Variants in PARP11 observed in about 807,000 individuals in gnomAD.
PARP11 encodes poly(ADP-ribose) polymerase family member 11.
In PARP11, 31 loss-of-function variants were observed where a neutral mutation model predicts 42.9. The ratio of observed to expected loss-of-function variants is 0.72; its 90% confidence interval spans 0.54 to 0.98. The LOEUF (loss-of-function observed/expected upper bound fraction) is 0.98, where lower values mean the gene tolerates loss of function less well. Ranked by LOEUF, PARP11 falls within the 50% of genes least tolerant of loss-of-function variation. The pLI is 0.00. For missense variants in PARP11, 365 were observed against 413.1 expected, an observed-to-expected ratio of 0.88 and a Z score of 1.01; for synonymous variants, 137 against 127.3, an observed-to-expected ratio of 1.08 and a Z score of -0.51.
intron 6 of PARP11, among the ~76,000 whole-genome samples, chr12:3,821,299 G>C (rs1351069346): frequency 6.6e-6 from 1 of 152,108 alleles, no homozygotes; most frequent in Non-Finnish European, 1.5e-5. Flanking sequence ...TGGCAGAACA[G>C]GCTAATTTGG....
At chr12:3,872,538 C>T (rs1170406287) in intron 1 of PARP11, 2 of 985,300 alleles carry the variant, frequency 2.0e-6, no homozygotes, top group African/African-American at 1.7e-5. Context: ...AGAAGGCAGA[C>T]TTGCAGTTGA....
rs1947872427 is a variant in PARP11 at position 3,840,864 on chromosome 12, A to G, written c.19-10846T>C. ...CTTCTCCTGCAGAACAAAAGCCAGC[A>G]GAACATGTGTCTTTGTCAAATCCAG... On this transcript the variant is annotated intron_variant, in intron 1 of 7. Coordinates refer to ENST00000228820, the MANE Select transcript of PARP11 (RefSeq NM_020367.6). This position sits in a 1 kb window ranked among gnomAD's most constrained non-coding sequence, Gnocchi z 4.4. The G allele has an allele frequency of 1.3e-6, 2 of 1,599,792 alleles. No individual in the cohort carries two copies. Among genetic ancestry groups the G allele is most frequent in the East Asian group, 2.2e-5 (1 of 44,848 alleles).
At chr12:3,825,609 G>T (rs761087123) in intron 4 of PARP11, among the ~76,000 whole-genome samples, 34 of 152,008 alleles carry the variant, frequency 2.2e-4, no homozygotes, top group Non-Finnish European at 2.5e-4. Context: ...CTGTTCTAAA[G>T]AATTAAAAAA....
At chr12:3,863,898 G>A (rs1230491039) in intron 1 of PARP11, 1 of 152,182 alleles carries the variant, frequency 6.6e-6, no homozygotes, top group Non-Finnish European at 1.5e-5. Context: ...TGCATTGCTA[G>A]TATAAACAAT....
chr12:3,814,944 T>C, intron 6 of PARP11: 1 of 444,984 alleles, frequency 2.2e-6, no homozygotes, highest in Non-Finnish European at 4.5e-6. Context: ...TATGTAGGTA[T>C]ACATACACAG....
intron 3 of PARP11, among the ~76,000 whole-genome samples, chr12:3,828,420 G>T (rs538905371): frequency 1.5e-4 from 23 of 151,774 alleles, no homozygotes; most frequent in Admixed American, 7.2e-4. Context: ...GTGGGGGCGG[G>T]TGCCTGTAAT....
intron 6 of PARP11, among the ~76,000 whole-genome samples, chr12:3,817,627 T>C (rs1225731834): frequency 1.3e-5 from 2 of 152,178 alleles, no homozygotes; most frequent in African/African-American, 4.8e-5. Flanking sequence ...AGATCCACAA[T>C]CATTCCCGAA....
At chr12:3,843,815 C>T (rs1947941889) in intron 1 of PARP11, among the ~76,000 whole-genome samples, 1 of 152,112 alleles carries the variant, frequency 6.6e-6, no homozygotes, top group Non-Finnish European at 1.5e-5. Context: ...TTTGTACATA[C>T]CAATGTGAAA....
At chr12:3,869,047 T>C (rs1300099550) in intron 1 of PARP11, among the ~76,000 whole-genome samples, 1 of 152,210 alleles carries the variant, frequency 6.6e-6, no homozygotes, top group Non-Finnish European at 1.5e-5. Context: ...ACCTCCTTCC[T>C]TCATCTCCAA....
intron 1 of PARP11, among the ~76,000 whole-genome samples, chr12:3,833,299 T>C (rs1048731260): frequency 2.0e-5 from 3 of 152,092 alleles, no homozygotes; most frequent in African/African-American, 4.8e-5. Flanking sequence ...CTGGCAAAAC[T>C]ACATTTTAAA....
intron 6 of PARP11, among the ~76,000 whole-genome samples, 162 bp downstream of exon 6, chr12:3,821,711 T>C (rs888875803): frequency 6.6e-6 from 1 of 152,174 alleles, no homozygotes; most frequent in African/African-American, 2.4e-5. Context: ...GAGCACCTCT[T>C]TCACTCCCTG....
At position 3,868,199 on chromosome 12, in the gene PARP11, G is replaced by A. The variant is rs143183768; in HGVS notation, c.18+5013C>T. ...TTGGGGGCCAGGCACGGTGGTTCAC[G>A]ACTGTAATCCCACCACTTTGGGAGG... On this transcript the variant is annotated intron_variant, in intron 1 of 7. Transcript: ENST00000228820. Among the ~76,000 whole-genome samples the A allele has an allele frequency of 5.0e-3, 757 of 152,156 alleles. 6 individuals are homozygous for A. The highest frequency in any genetic ancestry group is 0.017 in the African/African-American group (707 of 41,500).
At chr12:3,828,216 C>T (rs1207743963) in intron 3 of PARP11, among the ~76,000 whole-genome samples, 1 of 152,176 alleles carries the variant, frequency 6.6e-6, no homozygotes, top group Non-Finnish European at 1.5e-5. Context: ...TGCCAGCTAC[C>T]TATGACTTTC....
At chr12:3,819,954 GC>G (rs1483013798) in intron 6 of PARP11, among the ~76,000 whole-genome samples, 1 of 152,078 alleles carries the variant, frequency 6.6e-6, no homozygotes, top group Non-Finnish European at 1.5e-5. Context: ...GGTTCTTACT[GC>G]CCCTGATGCC....
intron 1 of PARP11, among the ~76,000 whole-genome samples, chr12:3,865,036 A>G (rs557187838): frequency 6.6e-6 from 1 of 152,268 alleles, no homozygotes; most frequent in Admixed American, 6.5e-5. Context: ...CCCTCTAAGT[A>G]CTGCTTTGGC....
At chr12:3,865,982 G>T (rs1591542272) in intron 1 of PARP11, among the ~76,000 whole-genome samples, 1 of 142,904 alleles carries the variant, frequency 7.0e-6, no homozygotes. Context: ...TGTCTCCTTT[G>T]GTGGCTTATT....
At chr12:3,872,761 G>A (rs1488842429) in intron 1 of PARP11, 1 of 985,320 alleles carries the variant, frequency 1.0e-6, no homozygotes, top group South Asian at 4.7e-5. Context: ...AGGTTCCAAG[G>A]CCAGTTACTC....
intron 1 of PARP11, among the ~76,000 whole-genome samples, chr12:3,835,800 G>A (rs918626997): frequency 6.6e-6 from 1 of 151,926 alleles, no homozygotes; most frequent in Admixed American, 6.5e-5. Context: ...GAAAATATCA[G>A]CAAACTTGAA....
chr12:3,841,209 T>C (rs1947882366), intron 1 of PARP11: 1 of 1,512,496 alleles, frequency 6.6e-7, no homozygotes, highest in South Asian at 1.1e-5. Flanking sequence ...ATCGAGCCAT[T>C]GTACCACCTT....
Sources: gnomAD v4.1 joint callset for allele counts (sites outside exome capture counted in the v4.1 genomes callset) on GRCh38, gnomAD v4.1.1 for gene constraint, Gnocchi (gnomAD v3.1) non-coding constraint, MANE v1.5 for transcripts, NCBI Gene and HGNC (gene_info 2026-07-23, HGNC 2026-07-21) for gene names.